Variants in BRD1 observed in about 807,000 individuals in gnomAD.
The protein encoded by BRD1 is bromodomain-containing protein 1.
In BRD1, 24 loss-of-function variants were observed where a neutral mutation model predicts 107.7. The ratio of observed to expected loss-of-function variants is 0.22; its 90% CI spans 0.16 to 0.31. The LOEUF (loss-of-function observed/expected upper bound fraction) is 0.31, where lower values mean the gene tolerates loss of function less well. Among genes scored for constraint, BRD1 ranks in the 10% least tolerant of loss-of-function variants. The pLI, the probability that BRD1 is intolerant of heterozygous loss-of-function variation, is 1.00. For missense variants in BRD1, 1,279 were observed against 1,638.6 expected, an observed-to-expected ratio of 0.78 and a Z score of 3.79; for synonymous variants, 744 against 686.1, an observed-to-expected ratio of 1.08 and a Z score of -1.32.
chr22:49,822,925 T>C (rs1335864565), intron 2 of BRD1, 26 bp downstream of exon 2: 2 of 1,608,806 alleles, frequency 1.2e-6, no homozygotes, highest in African/African-American at 2.7e-5. Flanking sequence ...AGGCTCCTTG[T>C]GGACTCAATG....
At position 49,787,379 on chromosome 22, in the gene BRD1, G is replaced by T; in HGVS notation, c.2857+11C>A. On this transcript the variant is annotated intron_variant, in intron 8 of 12. Transcript: ENST00000404760. ...GCAAGGGCGCCTCTCAGGGCCGCCC[G>T]CGGCATTTACCTGCGTCCAGGCGCT... 1.3e-6 allele frequency: 2 copies of T among 1,495,664 alleles called. No homozygotes were observed. The highest frequency in any genetic ancestry group is 1.8e-6 in the Non-Finnish European group (2 of 1,113,066). The allele number at this position is 1,495,664 out of a possible 1,614,324, so 92.6% of individuals were successfully genotyped here. A position where few individuals can be genotyped will look rare whatever the true frequency, so the allele number is the denominator to read the frequency against.
In BRD1 at chr22:49,798,539, G is replaced by A. The variant is rs757559706; in HGVS notation, c.1785+19C>T. The A allele has an allele frequency of 8.1e-5, 131 of 1,613,932 alleles. No individual in the cohort carries two copies. In the Admixed American group the frequency reaches 1.2e-3, roughly 14 times the overall value. ...CAGTCACACATGCGGCAGGACAGAC[G>A]AGCGCCGCAAACACCCACCTCCTTC... On this transcript the variant is annotated intron_variant, in intron 5 of 12. Coordinates refer to ENST00000404760, the MANE Select transcript of BRD1 (RefSeq NM_001304808.3).
intron 7 of BRD1, among the ~76,000 whole-genome samples, chr22:49,788,184 G>A (rs1383175397): frequency 2.0e-5 from 3 of 152,182 alleles, no homozygotes; most frequent in Non-Finnish European, 4.4e-5. Flanking sequence ...TCGAGTTCAT[G>A]ACAGTTTCTG....
intron 7 of BRD1, among the ~76,000 whole-genome samples, chr22:49,790,000 C>A (rs1182556761): frequency 1.3e-5 from 2 of 152,246 alleles, no homozygotes; most frequent in Non-Finnish European, 2.9e-5. Flanking sequence ...CCCACACGCC[C>A]CTGGCCTCTC....
intron 7 of BRD1, among the ~76,000 whole-genome samples, chr22:49,788,717 G>A (rs1276114557): frequency 3.3e-5 from 5 of 152,146 alleles, no homozygotes; most frequent in African/African-American, 7.2e-5. Context: ...GCGAGGCGAC[G>A]CCACAACAAG....
intron 5 of BRD1, among the ~76,000 whole-genome samples, 157 bp from the exon 6 acceptor site, chr22:49,798,274 C>G (rs1228899463): frequency 3.9e-5 from 6 of 152,198 alleles, no homozygotes; most frequent in African/African-American, 1.4e-4. Flanking sequence ...ACTGCAGGGA[C>G]CTTCCCGACC....
Position 49,797,890 on chromosome 22 carries a change from G to A in BRD1, c.2013C>T (p.Asp671=). 2 of 1,613,970 alleles carry A rather than the reference G, an allele frequency of 1.2e-6. No individual in the cohort carries two copies. The highest frequency in any genetic ancestry group is 1.7e-6 in the Non-Finnish European group (2 of 1,180,040). ...CCGAGGCCTCTTCCAAGCCGATGCTGTCCACCTCGCGCCGGGCCTGCCTCA... is the reference window on the plus strand; with the variant it reads ...CCGAGGCCTCTTCCAAGCCGATGCTATCCACCTCGCGCCGGGCCTGCCTCA... ...VVLRQARREV[D]SIGLEEASGM... Residue 671 remains aspartate (D), a synonymous_variant, in exon 6 of 13, where the codon GAC becomes GAT. Transcript: ENST00000404760.
chr22:49,786,714 A>G (rs998535737), intron 8 of BRD1, among the ~76,000 whole-genome samples: 1 of 152,182 alleles, frequency 6.6e-6, no homozygotes, highest in Non-Finnish European at 1.5e-5. Flanking sequence ...TCGAGCTCCC[A>G]CAAGTGCTGG....
At position 49,787,471 on chromosome 22, in the gene BRD1, G is replaced by C; in HGVS notation, c.2776C>G (p.Leu926Val). 1.2e-6 allele frequency: 2 copies of C among 1,614,252 alleles called. No individual in the cohort carries two copies. The highest frequency in any genetic ancestry group is 2.2e-5 in the South Asian group (2 of 91,092). Residue 926 changes from leucine to valine, a missense_variant, in exon 8 of 13, where the codon CTG becomes GTG. By Grantham distance (32) the Leu-to-Val change is conservative. This residue lies in a region of BRD1 where 263 missense variants were observed against 251.6 expected (regional missense o/e 1.05). Coordinates refer to ENST00000404760, the MANE Select transcript of BRD1 (RefSeq NM_001304808.3). ...SVVLPRLETL[L>V]QPRKRSRSTC... The stretch of plus-strand genomic sequence containing the variant: ...CTCCGCGACCTTTTCCTTGGCTGCA[G>C]AAGAGTCTCCAACCTCGGAAGGACT...
At chr22:49,785,231 TG>T (rs1363629342) in intron 8 of BRD1, among the ~76,000 whole-genome samples, 1 of 152,236 alleles carries the variant, frequency 6.6e-6, no homozygotes, top group Non-Finnish European at 1.5e-5. Flanking sequence ...AGCCCACAGC[TG>T]GGGCAGGGCC....
chr22:49,790,319 TG>T (rs1394050029), intron 7 of BRD1, among the ~76,000 whole-genome samples: 3 of 152,222 alleles, frequency 2.0e-5, no homozygotes, highest in African/African-American at 7.2e-5. Context: ...GAAATGTGAC[TG>T]GAAGTTGACA....
Position 49,822,938 on chromosome 22 carries a change from T to C in BRD1, c.1367+13A>G, listed in dbSNP as rs773336683. On this transcript the variant is annotated intron_variant, in intron 2 of 12. Transcript: ENST00000404760. The stretch of plus-strand genomic sequence containing the variant: ...GCAGGCTCCTTGTGGACTCAATGCT[T>C]GGACACGCTTACCTCTGCGGGGGAA... 2 of 1,611,202 alleles carry C rather than the reference T, an allele frequency of 1.2e-6. No homozygotes were observed. The highest frequency in any genetic ancestry group is 2.2e-5 in the South Asian group (2 of 91,018).
At chr22:49,820,952 C>T (rs746464727) in intron 2 of BRD1, 2 of 152,302 alleles carry the variant, frequency 1.3e-5, no homozygotes, top group African/African-American at 2.4e-5. Flanking sequence ...GCCAGGAACA[C>T]TCGTCCAGGT....
chr22:49,825,829 C>A (rs902088156), intron 1 of BRD1: 5 of 152,256 alleles, frequency 3.3e-5, no homozygotes, highest in Admixed American at 3.3e-4. Context: ...CTTCTTAAGA[C>A]AGACCCTCCA....
intron 6 of BRD1, among the ~76,000 whole-genome samples, chr22:49,795,205 A>G (rs1304488098): frequency 6.6e-6 from 1 of 152,214 alleles, no homozygotes; most frequent in African/African-American, 2.4e-5. Context: ...ACAAAAAAAC[A>G]TATCCTTTGA....
At chr22:49,789,512 C>T (rs1301037215) in intron 7 of BRD1, among the ~76,000 whole-genome samples, 1 of 150,116 alleles carries the variant, frequency 6.7e-6, no homozygotes, top group Non-Finnish European at 1.5e-5. Context: ...CCCGAGCTCT[C>T]GCCCTGATTA....
At chr22:49,775,931 C>T in intron 11 of BRD1, 119 bp downstream of exon 11, 2 of 1,193,752 alleles carry the variant, frequency 1.7e-6, no homozygotes, top group South Asian at 1.3e-5. Context: ...ACCAACCCCG[C>T]CCCCCCGCCA....
At chr22:49,814,913 C>A (rs2059921024) in intron 2 of BRD1, among the ~76,000 whole-genome samples, 1 of 152,238 alleles carries the variant, frequency 6.6e-6, no homozygotes, top group Non-Finnish European at 1.5e-5. Flanking sequence ...CTCCCCTCTG[C>A]TGAGAACATC....
At chr22:49,776,440 C>T (rs1419048806) in intron 10 of BRD1, among the ~76,000 whole-genome samples, 1 of 152,210 alleles carries the variant, frequency 6.6e-6, no homozygotes, top group Non-Finnish European at 1.5e-5. Flanking sequence ...CCAGCACAGT[C>T]CCTTCTGAGC....
Sources: allele counts gnomAD v4.1 joint callset (sites outside exome capture counted in the v4.1 genomes callset), GRCh38; gene constraint gnomAD v4.1.1; regional missense constraint gnomAD v4.1.1; transcripts MANE v1.5; gene names NCBI Gene and HGNC (gene_info 2026-07-23, HGNC 2026-07-21).